The following CENPK variants were observed in gnomAD, a reference collection of about 807,000 sequenced individuals.
CENPK encodes SoxLZ/Sox6-binding protein Solt.
Under a neutral mutation model 40.9 loss-of-function variants are expected in CENPK, and 46 were observed. The observed-to-expected ratio is 1.13, with a 90% CI of 0.89 to 1.44. CENPK has a LOEUF of 1.44. Ranked by LOEUF, CENPK falls within the 40% of genes most tolerant of loss-of-function variation. The pLI is 0.00. For synonymous variants in CENPK, 107 were observed against 104.4 expected (o/e 1.02, Z -0.15); for missense variants, 288 against 303.5 (o/e 0.95, Z 0.38).
At chr5:65,540,081 G>C (rs573699499) in intron 6 of CENPK, among the ~76,000 whole-genome samples, 9 of 152,114 alleles carry the variant, frequency 5.9e-5, no homozygotes, top group Non-Finnish European at 1.3e-4. Flanking sequence ...ATGGTCATTT[G>C]GCCACACCCT....
intron 3 of CENPK, 75 bp downstream of exon 3, chr5:65,554,722 C>T: frequency 1.2e-6 from 1 of 831,042 alleles, no homozygotes; most frequent in East Asian, 2.5e-5. Context: ...ACAATCATTT[C>T]TTTCCTGAGT....
At chr5:65,532,451 A>C (rs1746016289) in intron 6 of CENPK, among the ~76,000 whole-genome samples, 1 of 152,188 alleles carries the variant, frequency 6.6e-6, no homozygotes, top group Non-Finnish European at 1.5e-5. Context: ...CATCACAAAA[A>C]AGAAAACCAC....
intron 3 of CENPK, among the ~76,000 whole-genome samples, chr5:65,554,144 T>TA (rs956432532): frequency 1.9e-4 from 26 of 138,954 alleles, no homozygotes; most frequent in Non-Finnish European, 3.6e-4. Context: ...CAGTAATTAT[T>TA]TTTTTTTTTT....
the CENPK span, among the ~76,000 whole-genome samples, chr5:65,507,195 A>G: frequency 6.6e-6 from 1 of 152,196 alleles, no homozygotes; most frequent in Non-Finnish European, 1.5e-5. Context: ...CATGCAGACC[A>G]AGTAATATCC....
intron 3 of CENPK, 34 bp from the exon 4 acceptor site, chr5:65,552,583 C>T (rs376775830): frequency 1.2e-5 from 16 of 1,346,088 alleles, no homozygotes; most frequent in Admixed American, 8.8e-5. Context: ...GCAAGTCACA[C>T]ACGATAATTC....
In CENPK at chr5:65,552,508, GGTGA is replaced by G. The variant is rs757802386; in HGVS notation, c.149_152del (p.Leu50ProfsTer10). 257 of 1,556,770 alleles carry G rather than the reference GGTGA, an allele frequency of 1.7e-4. No individual in the cohort carries two copies. The highest frequency in any genetic ancestry group is 2.1e-4 in the Non-Finnish European group (245 of 1,153,762). On this transcript the variant is annotated frameshift_variant, in exon 4 of 11. Transcript: ENST00000396679. LOFTEE classifies it high-confidence loss of function. The stretch of plus-strand genomic sequence containing the variant: ...AGATTCATACCTGAGCATTTGAATC[GGTGA>G]GTGTTTCAGTTCCAATAAGTGATAA...
the CENPK span, among the ~76,000 whole-genome samples, chr5:65,501,553 G>A: frequency 6.6e-6 from 1 of 152,038 alleles, no homozygotes; most frequent in Non-Finnish European, 1.5e-5. Flanking sequence ...CTTCGGGCAT[G>A]TATTGTACCC....
At chr5:65,522,384 T>C (rs1045148377) in intron 9 of CENPK, among the ~76,000 whole-genome samples, 10 of 152,102 alleles carry the variant, frequency 6.6e-5, no homozygotes, top group African/African-American at 2.4e-4. Flanking sequence ...GCTCAAATCT[T>C]CTCTTTTTCA....
intron 5 of CENPK, among the ~76,000 whole-genome samples, chr5:65,545,999 T>C (rs1252822435): frequency 6.6e-6 from 1 of 152,270 alleles, no homozygotes; most frequent in Non-Finnish European, 1.5e-5. Flanking sequence ...TCTCTGAGTT[T>C]ACTACAGTTA....
chr5:65,544,448 T>C (rs1581030291), intron 5 of CENPK, among the ~76,000 whole-genome samples: 1 of 152,186 alleles, frequency 6.6e-6, no homozygotes, highest in Admixed American at 6.5e-5. Context: ...GATTGAAATA[T>C]GGTGTGACCA....
At chr5:65,542,278 T>C (rs999635668) in intron 6 of CENPK, among the ~76,000 whole-genome samples, 1 of 152,206 alleles carries the variant, frequency 6.6e-6, no homozygotes, top group African/African-American at 2.4e-5. Context: ...AAACTAGATA[T>C]GAGATTAAGG....
At chr5:65,525,848 C>T (rs994768075) in intron 9 of CENPK, among the ~76,000 whole-genome samples, 1 of 145,036 alleles carries the variant, frequency 6.9e-6, no homozygotes, top group Non-Finnish European at 1.5e-5. Flanking sequence ...CACCTACAAG[C>T]CAGGAAGAGA....
intron 5 of CENPK, chr5:65,551,248 TCAA>T (rs1749975268): frequency 1.5e-5 from 1 of 68,102 alleles, no homozygotes; most frequent in Non-Finnish European, 2.4e-5. Context: ...AGACCCTGTC[TCAA>T]AAAAAAAAAA....
the CENPK span, among the ~76,000 whole-genome samples, chr5:65,512,160 T>A: frequency 6.6e-6 from 1 of 152,102 alleles, no homozygotes; most frequent in Non-Finnish European, 1.5e-5. Flanking sequence ...AGATGAGGAG[T>A]TAATTCCCAT....
At chr5:65,543,887 C>T (rs1748435006) in intron 5 of CENPK, among the ~76,000 whole-genome samples, 1 of 152,144 alleles carries the variant, frequency 6.6e-6, no homozygotes, top group Middle Eastern at 3.2e-3. Context: ...GAAAAAACAG[C>T]AAGAAATATT....
chr5:65,521,325 C>A, intron 10 of CENPK, 150 bp downstream of exon 10: 1 of 616,614 alleles, frequency 1.6e-6, no homozygotes, highest in South Asian at 2.0e-5. Context: ...TAATTTTATA[C>A]CAAAGATATA....
intron 6 of CENPK, among the ~76,000 whole-genome samples, chr5:65,533,477 G>A (rs1435008488): frequency 1.3e-5 from 2 of 152,062 alleles, no homozygotes; most frequent in African/African-American, 4.8e-5. Flanking sequence ...ACACTTAATG[G>A]TGAAGGGGCA....
the CENPK span, among the ~76,000 whole-genome samples, chr5:65,509,168 G>GTA: frequency 1.8e-3 from 275 of 152,242 alleles, no homozygotes; most frequent in African/African-American, 5.8e-3. Context: ...CGTATCTCCT[G>GTA]TATAGTGCAT....
At chr5:65,533,350 A>AAAATAAATAAATAAATAACT in intron 6 of CENPK, among the ~76,000 whole-genome samples, 2 of 148,210 alleles carry the variant, frequency 1.3e-5, no homozygotes, top group East Asian at 4.0e-4. Flanking sequence ...ACCCTGTATC[A>AAAATAAATAAATAAATAACT]AAATAAATAA....
Sources: allele counts gnomAD v4.1 joint callset (sites outside exome capture counted in the v4.1 genomes callset), GRCh38; gene constraint gnomAD v4.1.1; transcripts MANE v1.5; gene names NCBI Gene and HGNC (gene_info 2026-07-23, HGNC 2026-07-21).